Variants in MROH9 observed in about 807,000 individuals in gnomAD.
The protein encoded by MROH9 is maestro heat like repeat family member 9.
MROH9 carries 92 observed loss-of-function variants against 98.2 expected under a neutral mutation model. The observed-to-expected ratio is 0.94, with a 90% CI of 0.79 to 1.11. MROH9 has a LOEUF of 1.11. Ranked by LOEUF, MROH9 falls within the 50% of genes most tolerant of loss-of-function variation. MROH9 has a pLI of 0.00. For missense variants in MROH9, 1,057 were observed against 1,014.8 expected, an observed-to-expected ratio of 1.04 and a Z score of -0.57; for synonymous variants, 397 against 368.9, an observed-to-expected ratio of 1.08 and a Z score of -0.87.
intron 15 of MROH9, among the ~76,000 whole-genome samples, chr1:171,010,169 A>C (rs539151606): frequency 6.6e-6 from 1 of 151,550 alleles, no homozygotes; most frequent in African/African-American, 2.4e-5. Context: ...TCATTGTTCA[A>C]CTCCCACTTA....
chr1:170,949,031 T>C (rs1302482800), intron 3 of MROH9, among the ~76,000 whole-genome samples: 1 of 152,074 alleles, frequency 6.6e-6, no homozygotes, highest in Non-Finnish European at 1.5e-5. Context: ...TGAACTGCAA[T>C]GCACTTGCAA....
chr1:170,959,774 A>T (rs374973698), intron 5 of MROH9, among the ~76,000 whole-genome samples, 177 bp downstream of exon 5: 13 of 152,166 alleles, frequency 8.5e-5, no homozygotes, highest in African/African-American at 2.9e-4. Flanking sequence ...AACCCATGGG[A>T]TTTTAATGGA....
At chr1:170,976,085 G>C (rs544413850) in intron 8 of MROH9, among the ~76,000 whole-genome samples, 4 of 152,156 alleles carry the variant, frequency 2.6e-5, no homozygotes, top group African/African-American at 9.6e-5. Flanking sequence ...GCATACCATT[G>C]GGTCTTTGTT....
intron 5 of MROH9, 128 bp downstream of exon 5, chr1:170,959,725 G>A (rs772774313): frequency 2.6e-6 from 2 of 774,448 alleles, no homozygotes; most frequent in Non-Finnish European, 3.9e-6. Context: ...TAACAGTCAG[G>A]GCACTAATCT....
At chr1:171,042,969 T>A (rs55769641) in intron 20 of MROH9, among the ~76,000 whole-genome samples, 13,580 of 152,210 alleles carry the variant, frequency 0.089, 758 homozygotes, top group Middle Eastern at 0.22. Flanking sequence ...CTTCCTTTGC[T>A]GTCCAGATCT....
chr1:170,960,977 A>C (rs1235875236), intron 5 of MROH9, among the ~76,000 whole-genome samples: 1 of 152,164 alleles, frequency 6.6e-6, no homozygotes, highest in East Asian at 1.9e-4. Flanking sequence ...GTGTCAGCTA[A>C]AATAAGAACC....
intron 20 of MROH9, among the ~76,000 whole-genome samples, chr1:171,060,169 T>C (rs1653969203): frequency 6.6e-6 from 1 of 151,844 alleles, no homozygotes; most frequent in Non-Finnish European, 1.5e-5. Flanking sequence ...AAAATAAAAG[T>C]TTAAAAAATA....
chr1:170,996,939 T>C (rs1410030538), intron 14 of MROH9, among the ~76,000 whole-genome samples: 3 of 152,192 alleles, frequency 2.0e-5, no homozygotes, highest in African/African-American at 7.2e-5. Context: ...AGTTTGGTTT[T>C]TTCCCTCTGA....
chr1:170,993,095 C>T (rs1411608574), intron 12 of MROH9, among the ~76,000 whole-genome samples: 11 of 152,092 alleles, frequency 7.2e-5, no homozygotes, highest in Non-Finnish European at 1.6e-4. Flanking sequence ...TCCTGAATAT[C>T]GAAATTCCAA....
intron 15 of MROH9, among the ~76,000 whole-genome samples, chr1:171,010,078 C>T (rs989394011): frequency 2.0e-5 from 3 of 152,162 alleles, no homozygotes; most frequent in African/African-American, 7.2e-5. Context: ...AGGTATTTCT[C>T]CTAATGTTAT....
At chr1:171,022,599 G>T (rs955789696) in intron 17 of MROH9, among the ~76,000 whole-genome samples, 1 of 152,076 alleles carries the variant, frequency 6.6e-6, no homozygotes, top group Non-Finnish European at 1.5e-5. Flanking sequence ...GGCCACTTGG[G>T]GGGTGGGTGG....
chr1:170,945,323 A>G (rs1328017427), intron 1 of MROH9, among the ~76,000 whole-genome samples, 197 bp from the exon 2 acceptor site: 1 of 152,068 alleles, frequency 6.6e-6, no homozygotes, highest in African/African-American at 2.4e-5. Flanking sequence ...CTAAACTGAG[A>G]CTGAACCTTC....
At chr1:170,947,484 C>G (rs762315534) in intron 2 of MROH9, 43 bp from the exon 3 acceptor site, 2 of 1,552,526 alleles carry the variant, frequency 1.3e-6, no homozygotes, top group South Asian at 2.3e-5. Context: ...TGATAGGAGT[C>G]TATGTTCATT....
intron 8 of MROH9, among the ~76,000 whole-genome samples, chr1:170,973,090 G>A (rs569727617): frequency 2.0e-5 from 3 of 150,742 alleles, no homozygotes; most frequent in South Asian, 4.2e-4. Flanking sequence ...GTACCAGAAC[G>A]GAGTACATGA....
At chr1:170,979,763 G>C (rs1050663949) in intron 8 of MROH9, among the ~76,000 whole-genome samples, 1 of 152,098 alleles carries the variant, frequency 6.6e-6, no homozygotes, top group Non-Finnish European at 1.5e-5. Flanking sequence ...AGTTCATAAA[G>C]GACATCAAAA....
rs189002901 is a variant in MROH9, at chr1:171,028,249, A to T, written c.2281+2829A>T. Among the ~76,000 whole-genome samples the T allele has an allele frequency of 7.2e-5, 11 of 152,312 alleles. No homozygotes were observed. In the East Asian group the frequency reaches 2.1e-3, roughly 29 times the overall value. On this transcript the variant is annotated intron_variant, in intron 20 of 21. Transcript: ENST00000367759. ...TAGTTTCAGTTTCCTGCATATGGCT[A>T]GCCAGTTTTCGCAGCACCATTTACT...
At chr1:170,945,456 T>C in intron 1 of MROH9, 64 bp from the exon 2 acceptor site, 1 of 1,130,718 alleles carries the variant, frequency 8.8e-7, no homozygotes, top group Non-Finnish European at 1.3e-6. Flanking sequence ...TCCATATTGA[T>C]AGAGCAAAAC....
At position 171,016,188 on chromosome 1, in the gene MROH9, T is replaced by C. The variant is rs1652320985; in HGVS notation, c.1760T>C (p.Ile587Thr). The change falls in exon 17 of 22, where the codon ATA becomes ACA. Residue 587 changes from isoleucine (I) to threonine (T), a missense_variant. Coordinates refer to ENST00000367759, the MANE Select transcript of MROH9 (RefSeq NM_001163629.2). ...ACAGAAAATGTCAGCAGTATATTAA[T>C]AGCCATCCTGGATGCCTTCCTTTCC... ...NKTENVSSIL[I>T]AILDAFLSKD... 3 of 1,527,432 alleles carry C rather than the reference T, an allele frequency of 2.0e-6. No individual in the cohort carries two copies. The highest frequency in any genetic ancestry group is 2.6e-6 in the Non-Finnish European group (3 of 1,136,878). 94.6% of individuals were successfully genotyped at this position (1,527,432 alleles called of 1,614,324 possible).
At chr1:171,056,296 C>G (rs1297520869) in intron 20 of MROH9, among the ~76,000 whole-genome samples, 1 of 152,156 alleles carries the variant, frequency 6.6e-6, no homozygotes, top group African/African-American at 2.4e-5. Context: ...GTGCTTTTCC[C>G]CTGCTGGAAC....
Sources: allele counts gnomAD v4.1 joint callset (sites outside exome capture counted in the v4.1 genomes callset), GRCh38; gene constraint gnomAD v4.1.1; transcripts MANE v1.5; gene names NCBI Gene and HGNC (gene_info 2026-07-23, HGNC 2026-07-21).